SMARCA4: variants seen among roughly 807,000 people sequenced by gnomAD.
SMARCA4 encodes SWI/SNF related BAF chromatin remodeling complex subunit ATPase 4, also known as SWI/SNF-related matrix-associated actin-dependent regulator of chromatin subfamily A member 4.
A neutral mutation model predicts 193.9 loss-of-function variants in SMARCA4; 31 were observed. The observed-to-expected ratio is 0.16, with a 90% CI of 0.12 to 0.22. SMARCA4 has a LOEUF of 0.22. SMARCA4 is among the 10% of genes least tolerant of loss of function. The pLI, the probability that SMARCA4 is intolerant of heterozygous loss-of-function variation, is 1.00. For missense variants in SMARCA4, 1,148 were observed against 2,296.0 expected (o/e 0.50, Z 10.22); for synonymous variants, 942 against 933.1 (o/e 1.01, Z -0.17).
chr19:11,004,857 T>C (rs2088036565), intron 13 of SMARCA4, among the ~76,000 whole-genome samples: 1 of 146,400 alleles, frequency 6.8e-6, no homozygotes, highest in Non-Finnish European at 1.5e-5. Context: ...TTTTTTTTTT[T>C]GAGACGGAGT....
At chr19:10,989,619 G>T (rs749214079) in intron 7 of SMARCA4, among the ~76,000 whole-genome samples, 176 bp downstream of exon 7, 2 of 152,186 alleles carry the variant, frequency 1.3e-5, no homozygotes, top group Non-Finnish European at 1.5e-5. Context: ...GGCCTGCGCA[G>T]TGCTGGGGAC....
At chr19:11,016,273 C>T (rs1360278385) in intron 16 of SMARCA4, among the ~76,000 whole-genome samples, 3 of 152,104 alleles carry the variant, frequency 2.0e-5, no homozygotes, top group African/African-American at 4.8e-5. Context: ...TTCACGAGGC[C>T]GTTCACGAGG....
At chr19:11,039,856 G>A (rs1442045632) in intron 29 of SMARCA4, 9 of 194,736 alleles carry the variant, frequency 4.6e-5, no homozygotes, top group Non-Finnish European at 6.2e-5. Flanking sequence ...GCCGACATGG[G>A]TGGATCACGA....
chr19:11,051,857 G>A (rs1487527390), intron 30 of SMARCA4, among the ~76,000 whole-genome samples: 1 of 152,074 alleles, frequency 6.6e-6, no homozygotes, highest in Non-Finnish European at 1.5e-5. Flanking sequence ...CAGCACTTTG[G>A]GAGGCTGAGG....
At position 11,025,348 on chromosome 19, in the gene SMARCA4, C is replaced by T. The variant is rs1350917983; in HGVS notation, c.3082-74C>T. 4.2e-6 allele frequency: 4 copies of T among 942,464 alleles called. No homozygotes were observed. In the Admixed American group the frequency reaches 5.1e-5, roughly 12 times the overall value. 58.4% of individuals were successfully genotyped at this position (942,464 alleles called of 1,614,324 possible). A position where few individuals can be genotyped will look rare whatever the true frequency, so the allele number is the denominator to read the frequency against. Reference sequence around the variant, plus strand: ...CGTCCCCATGGCCCTTCTCCCAACACCCACCCATCCACCAAGCCCACCCCA... The same window carrying T: ...CGTCCCCATGGCCCTTCTCCCAACATCCACCCATCCACCAAGCCCACCCCA... On this transcript the variant is annotated intron_variant, in intron 21 of 34. Coordinates refer to ENST00000344626, the MANE Select transcript of SMARCA4 (RefSeq NM_003072.5).
In SMARCA4 at chr19:11,007,669, A is replaced by G. The variant is rs573809835; in HGVS notation, c.2002-233A>G. Among the ~76,000 whole-genome samples the G allele has an allele frequency of 6.4e-4, 97 of 152,204 alleles. 1 individual carries two copies. The highest frequency in any genetic ancestry group is 3.4e-3 in the Middle Eastern group (1 of 294). ...GGCAGGATGATTGCTTGAGCTGAGG[A>G]GTTCAAAGCCATCTGGGCAACATCC... On this transcript the variant is annotated intron_variant, in intron 13 of 34. Transcript: ENST00000344626.
At position 10,974,925 on chromosome 19, in the gene SMARCA4, C is replaced by T. The variant is rs571686793; in HGVS notation, c.-31-9196C>T. On this transcript the variant is annotated intron_variant, in intron 1 of 34. Transcript: ENST00000344626. ...TTCACCACGTTTGCCAGGCTGGTCT[C>T]GATCTCAGGTGATCCGCTCGCCTCA... 1.3e-4 allele frequency among the ~76,000 whole-genome samples: 20 copies of T among 149,388 alleles called. No individual in the cohort carries two copies. In the South Asian group the frequency reaches 3.8e-3, roughly 28 times the overall value.
At chr19:11,002,219 A>G (rs1303048284) in intron 11 of SMARCA4, among the ~76,000 whole-genome samples, 3 of 152,170 alleles carry the variant, frequency 2.0e-5, no homozygotes, top group Non-Finnish European at 4.4e-5. Context: ...TTTTCGTTAA[A>G]AAAATAAAAA....
intron 8 of SMARCA4, 133 bp from the exon 9 acceptor site, chr19:10,994,695 G>T: frequency 1.3e-6 from 1 of 754,310 alleles, no homozygotes; most frequent in South Asian, 1.4e-5. Context: ...TCCTGACCTC[G>T]TGATCTGCCC....
rs2087044837 is a variant in SMARCA4, at chr19:10,996,393, T to A, written c.1761+13T>A. 1 of 1,614,040 alleles carries A rather than the reference T, an allele frequency of 6.2e-7. No homozygotes were observed. The highest frequency in any genetic ancestry group is 1.7e-5 in the Admixed American group (1 of 60,010). The stretch of plus-strand genomic sequence containing the variant: ...AAAGAAAAAGAAGGTGTGCTGGGCC[T>A]GGCATGGTGCCCGCCGCGGGTGGGA... On this transcript the variant is annotated intron_variant, in intron 10 of 34. Transcript: ENST00000344626.
intron 7 of SMARCA4, 84 bp from the exon 8 acceptor site, chr19:10,991,066 G>A (rs1600020356): frequency 1.3e-6 from 2 of 1,585,374 alleles, no homozygotes; most frequent in African/African-American, 1.3e-5. Flanking sequence ...TAGCGGTGAA[G>A]CATGTGACAT....
chr19:11,027,753 C>T (rs201757432), intron 23 of SMARCA4, 31 bp from the exon 24 acceptor site: 31 of 1,613,226 alleles, frequency 1.9e-5, no homozygotes, highest in East Asian at 6.7e-5. Context: ...TAACATCCTG[C>T]GCCTTCTCTC....
intron 8 of SMARCA4, among the ~76,000 whole-genome samples, chr19:10,992,490 T>C (rs1481622654): frequency 6.7e-6 from 1 of 149,586 alleles, no homozygotes; most frequent in African/African-American, 2.5e-5. Flanking sequence ...AATGGCACGA[T>C]CTTGGCTCAC....
intron 30 of SMARCA4, among the ~76,000 whole-genome samples, chr19:11,055,800 T>C (rs3786723): frequency 0.27 from 41,701 of 151,856 alleles, 5,880 homozygotes; most frequent in South Asian, 0.31. Context: ...TGCCATGTTG[T>C]CCAGGCTGGT....
In SMARCA4 at chr19:11,051,758, G is replaced by A. The variant is rs2076276697; in HGVS notation, c.4425-6497G>A. On this transcript the variant is annotated intron_variant, in intron 30 of 34. Coordinates refer to ENST00000344626, the MANE Select transcript of SMARCA4 (RefSeq NM_003072.5). ...CCAGCCTCGGCCTCCCAAAGTGCTG[G>A]GATTACAGGAGTGAGCCACCATGTC... Among the ~76,000 whole-genome samples the A allele has an allele frequency of 5.9e-5, 9 of 152,100 alleles. No individual in the cohort carries two copies. The South Asian group carries it at 1.9e-3, about 32-fold the overall frequency.
At chr19:10,963,891 A>C (rs2145403785) in intron 1 of SMARCA4, among the ~76,000 whole-genome samples, 1 of 151,596 alleles carries the variant, frequency 6.6e-6, no homozygotes, top group Non-Finnish European at 1.5e-5. Flanking sequence ...ACCATGATTG[A>C]GCCACTGCAC....
At position 10,990,893 on chromosome 19, in the gene SMARCA4, G is replaced by A. The variant is rs111927353; in HGVS notation, c.1246-257G>A. ...TATACTTCTGAATGACTCCTAAGAC[G>A]TGTGTGTGGTAGAGGGGAGGCAAGC... On this transcript the variant is annotated intron_variant, in intron 7 of 34. Transcript: ENST00000344626. 3.7e-3 allele frequency among the ~76,000 whole-genome samples: 557 copies of A among 152,320 alleles called. 7 individuals carry two copies. The highest frequency in any genetic ancestry group is 0.012 in the African/African-American group (518 of 41,568).
At position 10,987,787 on chromosome 19, in the gene SMARCA4, A is replaced by G. The variant is rs547268941; in HGVS notation, c.981A>G (p.Pro327=). 2.5e-6 allele frequency: 4 copies of G among 1,599,292 alleles called. No individual in the cohort carries two copies. Among genetic ancestry groups the G allele is most frequent in the Non-Finnish European group, 3.4e-6 (4 of 1,174,054 alleles). ...AVPPAASPVM[P]PQTQSPGQPA... is the part of the protein sequence containing the mutation. ...CACCCGCCGCCTCGCCCGTGATGCC[A>G]CCGCAGACCCAGTCCCCCGGGCAGC... Residue 327 remains proline (P), a synonymous_variant, in exon 6 of 35, where the codon CCA becomes CCG. Coordinates refer to ENST00000344626, the MANE Select transcript of SMARCA4 (RefSeq NM_003072.5). This position sits in a 1 kb window ranked among gnomAD's most constrained non-coding sequence, Gnocchi z 5.3.
intron 25 of SMARCA4, chr19:11,032,436 T>G (rs2074989884): frequency 6.6e-6 from 1 of 151,834 alleles, no homozygotes; most frequent in South Asian, 2.1e-4. Flanking sequence ...GAGGCCGAGG[T>G]GGGTGGATCA....
Sources: gnomAD v4.1 joint callset for allele counts (sites outside exome capture counted in the v4.1 genomes callset) on GRCh38, gnomAD v4.1.1 for gene constraint, Gnocchi (gnomAD v3.1) non-coding constraint, MANE v1.5 for transcripts, NCBI Gene and HGNC (gene_info 2026-07-23, HGNC 2026-07-21) for gene names.